Variants in TARBP1 observed in about 807,000 individuals in gnomAD.
TARBP1 encodes the protein tRNA guanosine 2 -O-methyltransferase TARBP1.
In TARBP1, 144 loss-of-function variants were observed where a neutral mutation model predicts 178.6. The observed-to-expected ratio is 0.81, with a 90% CI of 0.70 to 0.93. The LOEUF (loss-of-function observed/expected upper bound fraction) is 0.93. Ranked by LOEUF, TARBP1 falls within the 40% of genes least tolerant of loss-of-function variation. TARBP1 has a pLI of 0.00. For missense variants in TARBP1, 2,067 were observed against 2,011.7 expected (o/e 1.03, Z -0.53); for synonymous variants, 787 against 781.0 (o/e 1.01, Z -0.13).
intron 9 of TARBP1, among the ~76,000 whole-genome samples, chr1:234,453,240 T>A (rs1220718474): frequency 6.6e-6 from 1 of 151,728 alleles, no homozygotes; most frequent in South Asian, 2.1e-4. Flanking sequence ...ACCACACTAA[T>A]ACAAAATGTT....
chr1:234,396,231 G>A (rs1051085837), intron 26 of TARBP1, among the ~76,000 whole-genome samples: 7 of 152,118 alleles, frequency 4.6e-5, no homozygotes, highest in Non-Finnish European at 4.4e-5. Context: ...TCCGCTTTAC[G>A]CAGAACTCGA....
intron 6 of TARBP1, among the ~76,000 whole-genome samples, chr1:234,462,687 C>A (rs867566261): frequency 9.0e-4 from 92 of 102,740 alleles, no homozygotes; most frequent in South Asian, 1.8e-3. Flanking sequence ...GACTTCATCT[C>A]AAAAAAAAAA....
chr1:234,410,559 T>C (rs549744908), intron 22 of TARBP1, 28 bp from the exon 23 acceptor site: 6 of 1,369,112 alleles, frequency 4.4e-6, no homozygotes, highest in Non-Finnish European at 6.2e-6. Context: ...TAAACAAATA[T>C]TGATTCAAAG....
In TARBP1 at chr1:234,416,486, G is replaced by A. The variant is rs185125545; in HGVS notation, c.3705+1598C>T. On this transcript the variant is annotated intron_variant, in intron 22 of 29. Coordinates refer to ENST00000040877, the MANE Select transcript of TARBP1 (RefSeq NM_005646.4). ...TAATTTCTGTATTTTTAGTAGAGAC[G>A]GGGTTTCACCATGTTGGCCAGGCTG... Among the ~76,000 whole-genome samples, 98 of 152,232 alleles carry A rather than the reference G, an allele frequency of 6.4e-4. 1 individual carries two copies. The East Asian group carries it at 0.012, about 18-fold the overall frequency.
chr1:234,393,250 C>T lies in TARBP1; in HGVS notation c.4560+112G>A, dbSNP rs193132296. On this transcript the variant is annotated intron_variant, in intron 28 of 29. Coordinates refer to ENST00000040877, the MANE Select transcript of TARBP1 (RefSeq NM_005646.4). ...AGGACTAATACACAAAGATAGAGCA[C>T]TATAAAATATTTTTACAAATACAAA... 135 of 1,163,348 alleles carry T rather than the reference C, an allele frequency of 1.2e-4. 1 individual carries two copies. In the South Asian group the frequency reaches 3.9e-3, roughly 34 times the overall value. The allele number at this position is 1,163,348 out of a possible 1,614,324, so 72.1% of individuals were successfully genotyped here.
chr1:234,405,788 A>G, intron 24 of TARBP1, 115 bp downstream of exon 24: 1 of 1,000,516 alleles, frequency 1.0e-6, no homozygotes, highest in East Asian at 2.4e-5. Context: ...TCGATGCTCC[A>G]GGACGGCAGC....
At position 234,427,725 on chromosome 1, in the gene TARBP1, T is replaced by G; in HGVS notation, c.3102A>C (p.Gly1034=). The change falls in exon 18 of 30, where the codon GGA becomes GGC. Residue 1034 remains glycine, a synonymous_variant. Transcript: ENST00000040877. The part of the protein sequence containing the change: ...KIIEMSAIKT[G]VFNTLISYCC... ...AGTAACTTATCAGTGTATTGAAGACTCCAGTCTTTATAGCAGACATTTCAA... is the reference window on the plus strand; with the variant it reads ...AGTAACTTATCAGTGTATTGAAGACGCCAGTCTTTATAGCAGACATTTCAA... The G allele has an allele frequency of 2.7e-6, 4 of 1,502,014 alleles. No homozygotes were observed. The highest frequency in any genetic ancestry group is 3.5e-6 in the Non-Finnish European group (4 of 1,131,828). The allele number at this position is 1,502,014 out of a possible 1,614,324, so 93.0% of individuals were successfully genotyped here. A position where few individuals can be genotyped will look rare whatever the true frequency, so the allele number is the denominator to read the frequency against.
chr1:234,391,921 TA>T (rs201536722), intron 29 of TARBP1, among the ~76,000 whole-genome samples, 176 bp from the exon 30 acceptor site: 7 of 151,196 alleles, frequency 4.6e-5, no homozygotes, highest in East Asian at 3.9e-4. Flanking sequence ...AATAAGAGTG[TA>T]AAAAAAAAGA....
At chr1:234,471,338 C>T (rs747852054) in intron 2 of TARBP1, 81 bp from the exon 3 acceptor site, 2 of 885,872 alleles carry the variant, frequency 2.3e-6, no homozygotes, top group Non-Finnish European at 3.6e-6. Context: ...CTTTATTTCA[C>T]AGTAGCTCTT....
chr1:234,448,677 T>A, intron 10 of TARBP1, 98 bp from the exon 11 acceptor site: 2 of 870,338 alleles, frequency 2.3e-6, no homozygotes, highest in Non-Finnish European at 3.7e-6. Flanking sequence ...TTATTAATAT[T>A]AAATTATGAG....
At chr1:234,457,601 G>T in intron 9 of TARBP1, 66 bp downstream of exon 9, 1 of 1,095,762 alleles carries the variant, frequency 9.1e-7, no homozygotes, top group Non-Finnish European at 1.3e-6. Context: ...TGGCTACTAA[G>T]AAATTCATTA....
chr1:234,471,152 A>T, intron 3 of TARBP1, 36 bp downstream of exon 3: 1 of 1,467,616 alleles, frequency 6.8e-7, no homozygotes, highest in South Asian at 1.2e-5. Context: ...GAAAACCATA[A>T]ATGTTATTAA....
chr1:234,466,311 A>C (rs1252647806), intron 4 of TARBP1, among the ~76,000 whole-genome samples: 1 of 152,088 alleles, frequency 6.6e-6, no homozygotes, highest in Non-Finnish European at 1.5e-5. Context: ...CAGGATTTTG[A>C]GACCAGCCTG....
Position 234,478,235 on chromosome 1 carries a change from C to T in TARBP1, c.869G>A (p.Arg290Lys). The change falls in exon 1 of 30, where the codon AGG becomes AAG. Residue 290 changes from arginine to lysine, a missense_variant. Coordinates refer to ENST00000040877, the MANE Select transcript of TARBP1 (RefSeq NM_005646.4). ...TRKRARYLLQ[R>K]AVEVSAELGA... ...CAGCTCCGCCGACACCTCCACCGCC[C>T]TCTGCAGCAGGTAGCGCGCTCGCTT... The T allele has an allele frequency of 6.2e-7, 1 of 1,611,462 alleles. No homozygotes were observed. The highest frequency in any genetic ancestry group is 8.5e-7 in the Non-Finnish European group (1 of 1,179,430).
At chr1:234,469,214 A>G (rs1019110769) in intron 3 of TARBP1, among the ~76,000 whole-genome samples, 11 of 151,760 alleles carry the variant, frequency 7.2e-5, no homozygotes, top group African/African-American at 2.2e-4. Flanking sequence ...TAAATATCTT[A>G]GAGATATTTT....
At chr1:234,428,481 G>C (rs573939522) in intron 17 of TARBP1, among the ~76,000 whole-genome samples, 1 of 152,210 alleles carries the variant, frequency 6.6e-6, no homozygotes, top group East Asian at 1.9e-4. Flanking sequence ...ACATTGTCAT[G>C]GAAGAATGAC....
chr1:234,393,501 T>C lies in TARBP1; in HGVS notation c.4436-15A>G, dbSNP rs766666148. The stretch of plus-strand genomic sequence containing the variant: ...CCTGCACAGTCCTGCACAGAACACC[T>C]GGGATCATTAAGATTGTTCCCAGCA... On this transcript the variant is annotated splice_polypyrimidine_tract_variant and intron_variant, in intron 27 of 29. Transcript: ENST00000040877. The C allele has an allele frequency of 2.5e-6, 4 of 1,576,800 alleles. No individual in the cohort carries two copies. Among genetic ancestry groups the C allele is most frequent in the Non-Finnish European group, 3.4e-6 (4 of 1,160,880 alleles).
At position 234,393,489 on chromosome 1, in the gene TARBP1, G is replaced by A. The variant is rs1659611275; in HGVS notation, c.4436-3C>T. 2 of 1,587,626 alleles carry A rather than the reference G, an allele frequency of 1.3e-6. No individual in the cohort carries two copies. Among genetic ancestry groups the A allele is most frequent in the Non-Finnish European group, 1.7e-6 (2 of 1,166,796 alleles). On this transcript the variant is annotated splice_region_variant and splice_polypyrimidine_tract_variant and intron_variant, in intron 27 of 29. Transcript: ENST00000040877. ...TACCTCACAGGTCCTGCACAGTCCT[G>A]CACAGAACACCTGGGATCATTAAGA...
chr1:234,418,594 T>G (rs1037692565), intron 21 of TARBP1, among the ~76,000 whole-genome samples: 3 of 152,184 alleles, frequency 2.0e-5, no homozygotes, highest in Non-Finnish European at 1.5e-5. Context: ...GGCTTAAACC[T>G]TGTAACAAGG....
Sources: allele counts gnomAD v4.1 joint callset (sites outside exome capture counted in the v4.1 genomes callset), GRCh38; gene constraint gnomAD v4.1.1; transcripts MANE v1.5; gene names NCBI Gene and HGNC (gene_info 2026-07-23, HGNC 2026-07-21).